Variants in SNX4 observed in about 807,000 individuals in gnomAD.
SNX4 encodes the protein sorting nexin-4.
SNX4 carries 49 observed loss-of-function variants against 70.8 expected under a neutral mutation model. The ratio of observed to expected loss-of-function variants is 0.69; its 90% confidence interval spans 0.55 to 0.88. The LOEUF (loss-of-function observed/expected upper bound fraction) is 0.88. Among genes scored for constraint, SNX4 ranks in the 40% least tolerant of loss-of-function variants. The pLI is 0.00. For missense variants in SNX4, 528 were observed against 544.8 expected, an observed-to-expected ratio of 0.97 and a Z score of 0.31; for synonymous variants, 206 against 183.8, an observed-to-expected ratio of 1.12 and a Z score of -0.98.
Position 125,497,880 on chromosome 3 carries a change from T to C in SNX4, c.503A>G (p.His168Arg), listed in dbSNP as rs1284754273. Reference protein sequence around the residue: ...LENFLLRIASHPILCRDKIFY... With the variant: ...LENFLLRIASRPILCRDKIFY... ...GATTTTGTCTCTACAAAGGATGGGA[T>C]GTGAAGCAATCCTCAAGAGAAAGTT... Residue 168 changes from histidine (H) to arginine (R), a missense_variant, in exon 4 of 14, where the codon CAT becomes CGT. Around this residue, in one of 3 missense-constraint regions of SNX4, gnomAD observed 341 missense variants for 312.2 expected, o/e 1.09. Coordinates refer to ENST00000251775, the MANE Select transcript of SNX4 (RefSeq NM_003794.4). 3 of 1,613,974 alleles carry C rather than the reference T, an allele frequency of 1.9e-6. No individual in the cohort carries two copies. Among genetic ancestry groups the C allele is most frequent in the Admixed American group, 1.7e-5 (1 of 60,012 alleles).
At chr3:125,517,560 A>C (rs758195627) in intron 1 of SNX4, among the ~76,000 whole-genome samples, 4 of 152,144 alleles carry the variant, frequency 2.6e-5, no homozygotes, top group Non-Finnish European at 5.9e-5. Flanking sequence ...CTTTGAGGGG[A>C]GAGGAGGGGA....
intron 5 of SNX4, among the ~76,000 whole-genome samples, chr3:125,489,721 G>A (rs1934608925): frequency 1.3e-5 from 2 of 152,118 alleles, no homozygotes; most frequent in South Asian, 2.1e-4. Flanking sequence ...ACCAATACAC[G>A]AACAGGCATA....
intron 5 of SNX4, among the ~76,000 whole-genome samples, chr3:125,490,346 C>T (rs554637770): frequency 1.3e-5 from 2 of 151,734 alleles, no homozygotes; most frequent in East Asian, 1.9e-4. Context: ...CACGGTGAAA[C>T]GCTGTCTCTA....
rs9827402 is a variant in SNX4 at position 125,519,775 on chromosome 3, C to A, written c.141+257G>T. Among the ~76,000 whole-genome samples, 9,102 of 152,176 alleles carry A rather than the reference C, an allele frequency of 0.06. 419 individuals are homozygous for A. Among genetic ancestry groups the A allele is most frequent in the African/African-American group, 0.13 (5,413 of 41,522 alleles). The stretch of plus-strand genomic sequence containing the variant: ...GGCGCCCCCCCGGGTCCCTTTCCCT[C>A]CCCTTCGCAGTCTCGACACTTCCCT... On this transcript the variant is annotated intron_variant, in intron 1 of 13. Coordinates refer to ENST00000251775, the MANE Select transcript of SNX4 (RefSeq NM_003794.4).
chr3:125,468,590 A>C (rs931168608), intron 9 of SNX4, among the ~76,000 whole-genome samples: 7 of 152,194 alleles, frequency 4.6e-5, no homozygotes, highest in Non-Finnish European at 8.8e-5. Flanking sequence ...TCATGCCTGT[A>C]ATCCCAGCAC....
In SNX4 at chr3:125,481,610, G is replaced by A. The variant is rs373137304; in HGVS notation, c.654-1291C>T. The stretch of plus-strand genomic sequence containing the variant: ...ATTATAGGCATGTACCACCACACCC[G>A]TCTCTCTTTAGTAGAGACAGGGTTT... On this transcript the variant is annotated intron_variant, in intron 6 of 13. Transcript: ENST00000251775. 4.6e-5 allele frequency among the ~76,000 whole-genome samples: 7 copies of A among 152,124 alleles called. No homozygotes were observed. In the East Asian group the frequency reaches 9.7e-4, roughly 21 times the overall value.
intron 9 of SNX4, among the ~76,000 whole-genome samples, chr3:125,461,818 C>T (rs754593915): frequency 3.3e-5 from 5 of 151,392 alleles, no homozygotes; most frequent in Non-Finnish European, 7.4e-5. Flanking sequence ...CCTGTCACCA[C>T]GCCCAGTTAA....
chr3:125,447,899 G>T, intron 13 of SNX4, 73 bp from the exon 14 acceptor site: 2 of 904,912 alleles, frequency 2.2e-6, no homozygotes, highest in Non-Finnish European at 3.4e-6. Context: ...TGGCTTAGTG[G>T]TACACTAAGT....
intron 5 of SNX4, among the ~76,000 whole-genome samples, chr3:125,492,214 G>A (rs1260749997): frequency 6.6e-6 from 1 of 151,146 alleles, no homozygotes; most frequent in Non-Finnish European, 1.5e-5. Flanking sequence ...ACTTTTACCT[G>A]CTTTATCTTC....
chr3:125,515,479 T>C (rs894005676), intron 1 of SNX4, among the ~76,000 whole-genome samples: 3 of 148,344 alleles, frequency 2.0e-5, no homozygotes, highest in East Asian at 2.0e-4. Context: ...CTGGGCAACA[T>C]AGGGAGATCT....
At position 125,489,461 on chromosome 3, in the gene SNX4, T is replaced by C. The variant is rs759417139; in HGVS notation, c.600A>G (p.Ala200=). ...TVNETGFQLK[A]DSRLKALNAT... ...CATTAAGCGCTTTTAACCTGGAGTC[T>C]GCCTGGAAAAAATAATTTGTTCACT... The change falls in exon 6 of 14, where the codon GCA becomes GCG. Residue 200 remains alanine, a splice_region_variant and synonymous_variant. Coordinates refer to ENST00000251775, the MANE Select transcript of SNX4 (RefSeq NM_003794.4). 1.7e-5 allele frequency: 28 copies of C among 1,612,122 alleles called. No homozygotes were observed. The highest frequency in any genetic ancestry group is 2.4e-5 in the Non-Finnish European group (28 of 1,178,762).
intron 2 of SNX4, among the ~76,000 whole-genome samples, chr3:125,500,644 T>C (rs1934905126): frequency 1.3e-5 from 2 of 150,808 alleles, no homozygotes; most frequent in East Asian, 1.9e-4. Context: ...TACTAAAAAA[T>C]ACAAAAAATT....
At chr3:125,469,354 A>G (rs1934111402) in intron 9 of SNX4, 100 bp downstream of exon 9, 2 of 781,516 alleles carry the variant, frequency 2.6e-6, no homozygotes, top group South Asian at 1.6e-5. Flanking sequence ...GCGCAATATA[A>G]ATGCCAGCAA....
chr3:125,504,836 G>T, intron 1 of SNX4, 92 bp from the exon 2 acceptor site: 1 of 1,382,074 alleles, frequency 7.2e-7, no homozygotes, highest in Non-Finnish European at 9.6e-7. Context: ...ACCCATTATT[G>T]GGTTTATATA....
intron 11 of SNX4, among the ~76,000 whole-genome samples, chr3:125,454,973 G>A (rs904949611): frequency 6.6e-6 from 1 of 151,776 alleles, no homozygotes; most frequent in African/African-American, 2.4e-5. Flanking sequence ...CTGTTGCCCA[G>A]GCTAGAATGT....
At chr3:125,448,227 G>A (rs1034740335) in intron 13 of SNX4, among the ~76,000 whole-genome samples, 5 of 151,274 alleles carry the variant, frequency 3.3e-5, no homozygotes, top group African/African-American at 1.2e-4. Context: ...AGGGCTCAAG[G>A]GATCCTCCCA....
chr3:125,470,882 C>T (rs1380040732), intron 8 of SNX4, among the ~76,000 whole-genome samples: 1 of 152,116 alleles, frequency 6.6e-6, no homozygotes, highest in African/African-American at 2.4e-5. Context: ...TCACTGTCCT[C>T]ATCTACCCCA....
At position 125,483,661 on chromosome 3, in the gene SNX4, C is replaced by A. The variant is rs559878228; in HGVS notation, c.654-3342G>T. Among the ~76,000 whole-genome samples, 47 of 152,148 alleles carry A rather than the reference C, an allele frequency of 3.1e-4. 3 individuals carry two copies. In the South Asian group the frequency reaches 8.9e-3, roughly 29 times the overall value. ...GAGAGGAGTGACAACACAAATCATCCCCAGGTGATCACATCACCAGAAAGT... is the reference window on the plus strand; with the variant it reads ...GAGAGGAGTGACAACACAAATCATCACCAGGTGATCACATCACCAGAAAGT... On this transcript the variant is annotated intron_variant, in intron 6 of 13. Coordinates refer to ENST00000251775, the MANE Select transcript of SNX4 (RefSeq NM_003794.4).
chr3:125,495,242 TTC>T (rs1462743960), intron 5 of SNX4, among the ~76,000 whole-genome samples: 1 of 33,548 alleles, frequency 3.0e-5, no homozygotes, highest in Non-Finnish European at 8.3e-5. Flanking sequence ...GATACACTCA[TTC>T]TCTCTTTATA....
Sources: allele counts gnomAD v4.1 joint callset (sites outside exome capture counted in the v4.1 genomes callset), GRCh38; gene constraint gnomAD v4.1.1; regional missense constraint gnomAD v4.1.1; transcripts MANE v1.5; gene names NCBI Gene and HGNC (gene_info 2026-07-23, HGNC 2026-07-21).